Variants in TPX2 observed in about 807,000 individuals in gnomAD.
The protein encoded by TPX2 is TPX2 microtubule nucleation factor.
Under a neutral mutation model 93.6 loss-of-function variants are expected in TPX2, and 21 were observed. The observed-to-expected ratio is 0.22, with a 90% CI of 0.16 to 0.32. TPX2 has a LOEUF of 0.32. Ranked by LOEUF, TPX2 falls within the 10% of genes least tolerant of loss-of-function variation. TPX2 has a pLI of 1.00. For missense variants in TPX2, 776 were observed against 871.1 expected (o/e 0.89, Z 1.37); for synonymous variants, 281 against 298.3 (o/e 0.94, Z 0.60).
intron 1 of TPX2, among the ~76,000 whole-genome samples, chr20:31,740,380 A>C (rs778470304): frequency 6.6e-6 from 1 of 152,184 alleles, no homozygotes; most frequent in Non-Finnish European, 1.5e-5. Context: ...CAAAAATAGG[A>C]CTACTTGCTG....
At position 31,801,319 on chromosome 20, in the gene TPX2, G is replaced by A; in HGVS notation, c.*239G>A. 1 of 448,596 alleles carries A rather than the reference G, an allele frequency of 2.2e-6. No individual in the cohort carries two copies. Among genetic ancestry groups the A allele is most frequent in the East Asian group, 3.8e-5 (1 of 26,132 alleles). 27.8% of individuals were successfully genotyped at this position (448,596 alleles called of 1,614,324 possible). A position where few individuals can be genotyped will look rare whatever the true frequency, so the allele number is the denominator to read the frequency against. ...CATGAATGTCTCGATTAGACTCCAT[G>A]TAGTTACTTCCTTTAAACCATCAGC... On this transcript the variant is annotated 3_prime_UTR_variant, in exon 18 of 18. Transcript: ENST00000300403.
intron 5 of TPX2, among the ~76,000 whole-genome samples, chr20:31,768,254 T>C (rs538941669): frequency 4.7e-5 from 7 of 148,696 alleles, no homozygotes; most frequent in Admixed American, 2.0e-4. Flanking sequence ...TTTTTTTTTT[T>C]TCAGACGAGT....
intron 12 of TPX2, among the ~76,000 whole-genome samples, chr20:31,786,658 C>T (rs1227217320): frequency 6.6e-6 from 1 of 152,160 alleles, no homozygotes; most frequent in African/African-American, 2.4e-5. Context: ...CCTGCCTTGG[C>T]CTCCCAAAGT....
intron 5 of TPX2, among the ~76,000 whole-genome samples, chr20:31,769,799 A>G (rs2061953478): frequency 6.6e-6 from 1 of 151,642 alleles, no homozygotes; most frequent in South Asian, 2.1e-4. Context: ...TATTCATCTT[A>G]TTGATTTATT....
intron 10 of TPX2, 61 bp from the exon 11 acceptor site, chr20:31,782,187 AC>A: frequency 6.5e-7 from 1 of 1,546,948 alleles, no homozygotes; most frequent in South Asian, 1.3e-5. Flanking sequence ...TAGGTGAATC[AC>A]CACTTACAAG....
intron 2 of TPX2, among the ~76,000 whole-genome samples, chr20:31,754,988 A>T (rs1377765350): frequency 6.6e-6 from 1 of 152,044 alleles, no homozygotes; most frequent in African/African-American, 2.4e-5. Context: ...CGCTCTTGTC[A>T]CCCAGGCTGG....
At position 31,770,344 on chromosome 20, in the gene TPX2, A is replaced by C; in HGVS notation, c.358A>C (p.Arg120=). 6.4e-7 allele frequency: 1 copy of C among 1,560,976 alleles called. No individual in the cohort carries two copies. Residue 120 remains arginine (R), a splice_region_variant and synonymous_variant, in exon 6 of 18, where the codon AGA becomes CGA. Transcript: ENST00000300403. ...ATTTTGTCAATTTCTCTACCATAGA[A>C]GATCTCTTAGGCTTTCTGCTCAGAA... The part of the protein sequence containing the change: ...SRKTPAQPQR[R]SLRLSAQKDL...
At chr20:31,773,589 C>G (rs1000390062) in intron 7 of TPX2, among the ~76,000 whole-genome samples, 3 of 152,126 alleles carry the variant, frequency 2.0e-5, no homozygotes, top group African/African-American at 7.2e-5. Flanking sequence ...CATGCCTGGC[C>G]TGAAGTGCCA....
chr20:31,782,308 C>A lies in TPX2; in HGVS notation c.1114C>A (p.Leu372Met), dbSNP rs986549354. ...KICRDPQTPV[L>M]QTKHRARAVT... ...TTGCAGAGACCCACAGACTCCTGTA[C>A]TGCAAACCAAACACCGTGCACGGGC... The change falls in exon 11 of 18, where the codon CTG becomes ATG. Residue 372 changes from leucine (L) to methionine (M), a missense_variant. By Grantham distance (15) the Leu-to-Met change is conservative. This residue lies in a region of TPX2 where 461 missense variants were observed against 551.2 expected (regional missense o/e 0.84). Transcript: ENST00000300403. 1 of 1,613,902 alleles carries A rather than the reference C, an allele frequency of 6.2e-7. No individual in the cohort carries two copies. Among genetic ancestry groups the A allele is most frequent in the Non-Finnish European group, 8.5e-7 (1 of 1,179,976 alleles).
At chr20:31,766,455 G>GTGTGTGTGTGTGTGTGTGTGTGTA (rs1568926930) in intron 4 of TPX2, 101 bp from the exon 5 acceptor site, 20 of 179,498 alleles carry the variant, frequency 1.1e-4, no homozygotes, top group Middle Eastern at 1.5e-3. Context: ...CTTAGACAGG[G>GTGTGTGTGTGTGTGTGTGTGTGTA]TGTGTGTGTG....
At chr20:31,778,739 C>A in intron 9 of TPX2, 74 bp from the exon 10 acceptor site, 1 of 1,382,564 alleles carries the variant, frequency 7.2e-7, no homozygotes, top group Non-Finnish European at 9.7e-7. Flanking sequence ...ATCCTCTGTG[C>A]CGAATATGTG....
chr20:31,788,496 G>A (rs1300650779), intron 12 of TPX2, among the ~76,000 whole-genome samples: 2 of 151,152 alleles, frequency 1.3e-5, no homozygotes, highest in East Asian at 3.9e-4. Flanking sequence ...CCACCTTCCA[G>A]AGCCTGATGC....
intron 2 of TPX2, among the ~76,000 whole-genome samples, chr20:31,754,084 C>T (rs1301398561): frequency 6.6e-6 from 1 of 151,776 alleles, no homozygotes; most frequent in Non-Finnish European, 1.5e-5. Flanking sequence ...CTATAAGGAC[C>T]AGAAGTACAT....
intron 4 of TPX2, among the ~76,000 whole-genome samples, chr20:31,764,341 G>A (rs1280330495): frequency 6.6e-6 from 1 of 151,866 alleles, no homozygotes; most frequent in Admixed American, 6.6e-5. Context: ...GCTAGTTTTT[G>A]TATTTTTTGT....
intron 5 of TPX2, among the ~76,000 whole-genome samples, chr20:31,769,909 C>T (rs953568584): frequency 5.3e-5 from 8 of 152,110 alleles, no homozygotes; most frequent in African/African-American, 1.2e-4. Context: ...GTGATTCTTC[C>T]GCCCCAGCTT....
chr20:31,794,644 A>G, intron 15 of TPX2, 96 bp downstream of exon 15: 2 of 1,465,112 alleles, frequency 1.4e-6, no homozygotes, highest in Non-Finnish European at 1.8e-6. Flanking sequence ...TTAACATGCT[A>G]CATTGTTTCA....
intron 2 of TPX2, among the ~76,000 whole-genome samples, chr20:31,743,692 C>CA (rs1466766505): frequency 6.8e-6 from 1 of 147,142 alleles, no homozygotes; most frequent in African/African-American, 2.5e-5. Context: ...GACCCTGTCT[C>CA]AAAAAAAGTC....
chr20:31,758,024 G>A (rs916898553), intron 3 of TPX2, among the ~76,000 whole-genome samples: 2 of 151,530 alleles, frequency 1.3e-5, no homozygotes. Flanking sequence ...AGTTCTCTGT[G>A]GTTTTATCAC....
rs572387315 is a variant in TPX2, at chr20:31,795,850, C to G, written c.1833+1302C>G. ...TTCTACGTGGCTGGAAAAAATTTCC[C>G]CTGAATTTCTAAGTTTTTTGGATTT... On this transcript the variant is annotated intron_variant, in intron 15 of 17. Transcript: ENST00000300403. Among the ~76,000 whole-genome samples the G allele has an allele frequency of 1.4e-4, 22 of 152,192 alleles. No individual in the cohort carries two copies. In the South Asian group the frequency reaches 3.5e-3, roughly 24 times the overall value.
Sources: gnomAD v4.1 joint callset for allele counts (sites outside exome capture counted in the v4.1 genomes callset) on GRCh38, gnomAD v4.1.1 for gene constraint, gnomAD v4.1.1 regional missense constraint, MANE v1.5 for transcripts, NCBI Gene and HGNC (gene_info 2026-07-23, HGNC 2026-07-21) for gene names.